Variants in ZNF131 observed in about 807,000 individuals in gnomAD.
ZNF131 encodes the protein zinc finger and BTB domain containing 35.
A neutral mutation model predicts 60.0 loss-of-function variants in ZNF131; 7 were observed. The observed-to-expected ratio is 0.12, with a 90% CI of 0.07 to 0.22. ZNF131 has a LOEUF of 0.22. ZNF131 is among the 10% of genes least tolerant of loss of function. ZNF131 has a pLI of 1.00. For missense variants in ZNF131, 493 were observed against 740.9 expected (o/e 0.67, Z 3.88); for synonymous variants, 257 against 253.2 (o/e 1.01, Z -0.14).
At chr5:43,166,112 T>G (rs1177523986) in intron 5 of ZNF131, among the ~76,000 whole-genome samples, 2 of 152,238 alleles carry the variant, frequency 1.3e-5, no homozygotes, top group East Asian at 1.9e-4. Context: ...AGGGAATGTT[T>G]GTTTCGTTTA....
At chr5:43,172,693 C>G (rs1486629843) in intron 5 of ZNF131, among the ~76,000 whole-genome samples, 2 of 151,808 alleles carry the variant, frequency 1.3e-5, no homozygotes, top group African/African-American at 4.8e-5. Flanking sequence ...CAGCTATCTA[C>G]TGGACATCTC....
At chr5:43,146,632 C>T (rs1020192316) in intron 4 of ZNF131, among the ~76,000 whole-genome samples, 5 of 151,994 alleles carry the variant, frequency 3.3e-5, no homozygotes, top group East Asian at 1.9e-4. Context: ...ATGAGTCGGG[C>T]GCAGTGGTTC....
At chr5:43,133,557 G>C (rs1745637178) in intron 3 of ZNF131, among the ~76,000 whole-genome samples, 2 of 152,182 alleles carry the variant, frequency 1.3e-5, no homozygotes, top group Non-Finnish European at 2.9e-5. Context: ...TAGGTACTGT[G>C]ATATGAGTGT....
intron 4 of ZNF131, among the ~76,000 whole-genome samples, chr5:43,141,665 G>A (rs1746839341): frequency 6.6e-6 from 1 of 151,928 alleles, no homozygotes; most frequent in African/African-American, 2.4e-5. Flanking sequence ...GTACTCAGGA[G>A]ACTGAGGTGG....
At chr5:43,155,387 ATTTGGTGTACCTT>A in intron 4 of ZNF131, among the ~76,000 whole-genome samples, 1 of 152,220 alleles carries the variant, frequency 6.6e-6, no homozygotes, top group South Asian at 2.1e-4. Context: ...ATTTTCTCAG[ATTTGGTGTACCTT>A]GGGAGCTGTG....
intron 4 of ZNF131, among the ~76,000 whole-genome samples, chr5:43,142,882 A>G (rs544402): frequency 0.27 from 40,757 of 151,792 alleles, 6,093 homozygotes; most frequent in East Asian, 0.63. Context: ...TTGTAGAGAC[A>G]GGATTTCACC....
At chr5:43,145,897 A>G (rs1259429824) in intron 4 of ZNF131, among the ~76,000 whole-genome samples, 3 of 152,212 alleles carry the variant, frequency 2.0e-5, no homozygotes, top group Non-Finnish European at 2.9e-5. Context: ...GTCATTTAAA[A>G]TGTCTTCCAA....
chr5:43,160,190 A>AAC (rs35416458), intron 4 of ZNF131, among the ~76,000 whole-genome samples: 11,890 of 146,948 alleles, frequency 0.081, 644 homozygotes, highest in Middle Eastern at 0.13. Context: ...AAACAAAACA[A>AAC]AAAAAAAAAC....
At chr5:43,146,555 A>T (rs1747600283) in intron 4 of ZNF131, among the ~76,000 whole-genome samples, 1 of 152,016 alleles carries the variant, frequency 6.6e-6, no homozygotes, top group Admixed American at 6.6e-5. Flanking sequence ...AGATTGCGCC[A>T]CTGCACTCCA....
intron 3 of ZNF131, among the ~76,000 whole-genome samples, chr5:43,128,580 C>T (rs1347707596): frequency 6.8e-6 from 1 of 147,878 alleles, no homozygotes; most frequent in East Asian, 2.1e-4. Context: ...TGGTGTGAAC[C>T]TGGGAGGCGG....
In ZNF131 at chr5:43,132,391, G is replaced by A. The variant is rs189734955; in HGVS notation, c.227-6774G>A. Reference sequence around the variant, plus strand: ...TTTCTCAATATTCAGATTGCTTTTAGACGTTTTGAAAATGAGTTTGCTGAG... The same window carrying A: ...TTTCTCAATATTCAGATTGCTTTTAAACGTTTTGAAAATGAGTTTGCTGAG... On this transcript the variant is annotated intron_variant, in intron 3 of 6. Transcript: ENST00000682664. Among the ~76,000 whole-genome samples the A allele has an allele frequency of 1.1e-3, 172 of 152,000 alleles. 1 individual carries two copies. Among genetic ancestry groups the A allele is most frequent in the Non-Finnish European group, 1.5e-3 (105 of 67,992 alleles).
At chr5:43,148,737 T>C (rs547817692) in intron 4 of ZNF131, among the ~76,000 whole-genome samples, 1 of 152,338 alleles carries the variant, frequency 6.6e-6, no homozygotes, top group Admixed American at 6.5e-5. Flanking sequence ...AGTATTAATA[T>C]TTTTAAAACT....
At chr5:43,162,007 A>G in intron 5 of ZNF131, 76 bp downstream of exon 5, 1 of 1,380,072 alleles carries the variant, frequency 7.2e-7, no homozygotes, top group East Asian at 2.5e-5. Flanking sequence ...TCCTTTTTAA[A>G]AAAATAGTGC....
At chr5:43,155,383 T>C (rs2111823372) in intron 4 of ZNF131, among the ~76,000 whole-genome samples, 1 of 152,226 alleles carries the variant, frequency 6.6e-6, no homozygotes, top group South Asian at 2.1e-4. Context: ...ACTAATTTTC[T>C]CAGATTTGGT....
In ZNF131 at chr5:43,129,900, C is replaced by T. The variant is rs140716194; in HGVS notation, c.226+6590C>T. The stretch of plus-strand genomic sequence containing the variant: ...CTCAAACTCCTGACCTCGTGATCTG[C>T]CTGCCTCGGCCTCCCAAAGTGCTGG... On this transcript the variant is annotated intron_variant, in intron 3 of 6. Transcript: ENST00000682664. 4.6e-3 allele frequency among the ~76,000 whole-genome samples: 699 copies of T among 152,080 alleles called. 4 individuals are homozygous for T. The highest frequency in any genetic ancestry group is 0.016 in the African/African-American group (680 of 41,522).
At chr5:43,154,345 T>C (rs576967237) in intron 4 of ZNF131, among the ~76,000 whole-genome samples, 3 of 150,668 alleles carry the variant, frequency 2.0e-5, no homozygotes, top group Admixed American at 6.7e-5. Context: ...ACCAGGGAGG[T>C]GGAGGTTGCT....
In ZNF131 at chr5:43,175,110, A is replaced by G; in HGVS notation, c.1849A>G (p.Thr617Ala). 1 of 1,608,182 alleles carries G rather than the reference A, an allele frequency of 6.2e-7. No homozygotes were observed. Among genetic ancestry groups the G allele is most frequent in the South Asian group, 1.1e-5 (1 of 89,844 alleles). The change falls in exon 7 of 7, where the codon ACA becomes GCA. Residue 617 changes from threonine to alanine, a missense_variant. Around this residue, in one of 7 missense-constraint regions of ZNF131, gnomAD observed 202 missense variants for 221.3 expected, o/e 0.91. Coordinates refer to ENST00000682664, the MANE Select transcript of ZNF131 (RefSeq NM_001330707.2). ...EAEKAENEDR[T>A]ALPVLE ...AGAAAAGGCAGAGAATGAGGACAGA[A>G]CAGCTCTGCCAGTTTTAGAATGAAA...
intron 5 of ZNF131, among the ~76,000 whole-genome samples, chr5:43,168,237 A>T (rs1339022839): frequency 6.6e-6 from 1 of 152,238 alleles, no homozygotes; most frequent in East Asian, 1.9e-4. Context: ...TGAGTTTTGA[A>T]GGGGACAAAC....
intron 4 of ZNF131, among the ~76,000 whole-genome samples, chr5:43,144,233 C>CTT (rs1747272570): frequency 2.4e-5 from 2 of 82,432 alleles, no homozygotes; most frequent in Non-Finnish European, 4.9e-5. Flanking sequence ...TTTTTTCTTT[C>CTT]TTTCTTTTTT....
Sources: allele counts gnomAD v4.1 joint callset (sites outside exome capture counted in the v4.1 genomes callset), GRCh38; gene constraint gnomAD v4.1.1; regional missense constraint gnomAD v4.1.1; transcripts MANE v1.5; gene names NCBI Gene and HGNC (gene_info 2026-07-23, HGNC 2026-07-21).